Variants in PEPD observed in about 807,000 individuals in gnomAD.
PEPD encodes the protein xaa-Pro dipeptidase.
In PEPD, 53 loss-of-function variants were observed where a neutral mutation model predicts 60.7. That is an observed-to-expected ratio of 0.87 (90% CI 0.70 to 1.10). The LOEUF is 1.10. PEPD is among the 50% of genes least tolerant of loss of function. PEPD has a pLI of 0.00. For synonymous variants in PEPD, 267 were observed against 284.1 expected (o/e 0.94, Z 0.60); for missense variants, 711 against 711.9 (o/e 1.00, Z 0.01).
chr19:33,521,031 C>A (rs2145368276), intron 1 of PEPD, among the ~76,000 whole-genome samples: 1 of 152,332 alleles, frequency 6.6e-6, no homozygotes, highest in African/African-American at 2.4e-5. Flanking sequence ...CAGATGCTCC[C>A]TATCTGGGAG....
chr19:33,398,707 G>A (rs1968422379), intron 12 of PEPD, among the ~76,000 whole-genome samples: 1 of 152,252 alleles, frequency 6.6e-6, no homozygotes. Flanking sequence ...GCCCCTGGGC[G>A]ACTGCTTCGT....
chr19:33,517,561 A>C (rs774059188), intron 1 of PEPD, among the ~76,000 whole-genome samples: 1 of 129,174 alleles, frequency 7.7e-6, no homozygotes, highest in African/African-American at 2.7e-5. Flanking sequence ...TCCGTTTCAA[A>C]AAAAACAAAA....
intron 6 of PEPD, among the ~76,000 whole-genome samples, chr19:33,486,614 G>C (rs892643616): frequency 2.0e-5 from 3 of 152,080 alleles, no homozygotes; most frequent in Non-Finnish European, 4.4e-5. Context: ...CACACCTCGA[G>C]ACCCCACACA....
chr19:33,387,997 G>A lies in PEPD; in HGVS notation c.1237C>T (p.Pro413Ser), dbSNP rs1370705324. 9 of 1,580,756 alleles carry A rather than the reference G, an allele frequency of 5.7e-6. No individual in the cohort carries two copies. The highest frequency in any genetic ancestry group is 7.7e-6 in the Non-Finnish European group (9 of 1,163,792). Reference protein sequence around the residue: ...LQPGMVLTVEPGIYFIDHLLD... With the variant: ...LQPGMVLTVESGIYFIDHLLD... ...AGGTGGTCGATGAAGTAGATGCCCG[G>A]CTCCACGGTGAGCACCATGCCTGGC... Residue 413 changes from proline to serine, a missense_variant, in exon 14 of 15, where the codon CCG (proline) becomes TCG (serine). Pro to Ser is a moderately conservative substitution (Grantham distance 74, BLOSUM62 -1). Transcript: ENST00000244137.
chr19:33,413,527 A>G (rs766196009), intron 10 of PEPD, 48 bp downstream of exon 10: 29 of 1,072,982 alleles, frequency 2.7e-5, no homozygotes, highest in Non-Finnish European at 3.9e-5. Context: ...TAACTGCCCT[A>G]CCTCCTCCCA....
chr19:33,458,053 G>C lies in PEPD; in HGVS notation c.671+4942C>G, dbSNP rs552115149. Among the ~76,000 whole-genome samples the C allele has an allele frequency of 6.6e-5, 10 of 152,282 alleles. No homozygotes were observed. The East Asian group carries it at 1.9e-3, about 29-fold the overall frequency. ...TACATACCGTGTATGTGAGGCATGT[G>C]GTGGGTGGCGTGTGTATGGTGTGTA... On this transcript the variant is annotated intron_variant, in intron 9 of 14. Transcript: ENST00000244137.
intron 6 of PEPD, 89 bp from the exon 7 acceptor site, chr19:33,478,179 TGCATTAAAGAGG>T: frequency 2.4e-6 from 2 of 838,942 alleles, no homozygotes; most frequent in Non-Finnish European, 4.1e-6. Flanking sequence ...GCACACGTGA[TGCATTAAAGAGG>T]GTCCCACACT....
At chr19:33,417,886 A>G (rs1368554830) in intron 9 of PEPD, among the ~76,000 whole-genome samples, 2 of 152,206 alleles carry the variant, frequency 1.3e-5, no homozygotes, top group South Asian at 2.1e-4. Flanking sequence ...AGTTCTCTAC[A>G]GAAGTCCTTC....
chr19:33,487,076 A>G (rs1970410885), intron 6 of PEPD: 1 of 152,268 alleles, frequency 6.6e-6, no homozygotes, highest in South Asian at 2.1e-4. Flanking sequence ...AGCAAGATTC[A>G]TCTTGCTTGG....
intron 12 of PEPD, among the ~76,000 whole-genome samples, chr19:33,394,581 C>T (rs1568447502): frequency 6.6e-6 from 1 of 152,244 alleles, no homozygotes; most frequent in Non-Finnish European, 1.5e-5. Context: ...ACGACACCCA[C>T]CGCCTGGGCG....
intron 5 of PEPD, 51 bp from the exon 6 acceptor site, chr19:33,490,108 C>T (rs1230349359): frequency 1.5e-6 from 2 of 1,291,974 alleles, no homozygotes; most frequent in Admixed American, 1.8e-5. Flanking sequence ...GGCGCCCCCA[C>T]AGCCTGCACC....
chr19:33,430,047 G>A (rs759330767), intron 9 of PEPD, among the ~76,000 whole-genome samples: 7 of 152,216 alleles, frequency 4.6e-5, no homozygotes, highest in Non-Finnish European at 5.9e-5. Flanking sequence ...CTGAGAACAT[G>A]GCTTCTGGAG....
chr19:33,494,848 C>T (rs1421018876), intron 4 of PEPD, among the ~76,000 whole-genome samples: 1 of 152,248 alleles, frequency 6.6e-6, no homozygotes. Context: ...TTAATGGACA[C>T]TACTCATTCC....
chr19:33,441,303 T>C (rs796292965), intron 9 of PEPD, among the ~76,000 whole-genome samples: 1 of 152,212 alleles, frequency 6.6e-6, no homozygotes, highest in African/African-American at 2.4e-5. Context: ...CTGGGAACGG[T>C]TGCCACATGC....
Position 33,406,740 on chromosome 19 carries a change from T to C in PEPD, c.819-4871A>G, listed in dbSNP as rs145272612. On this transcript the variant is annotated intron_variant, in intron 11 of 14. Coordinates refer to ENST00000244137, the MANE Select transcript of PEPD (RefSeq NM_000285.4). The stretch of plus-strand genomic sequence containing the variant: ...GGCTGAGTAGACAGCAGGAGTAGGC[T>C]GGCCGCATCCCAGGCTGCAGGGCCC... Among the ~76,000 whole-genome samples the C allele has an allele frequency of 1.3e-3, 200 of 152,322 alleles. 2 individuals carry two copies. The highest frequency in any genetic ancestry group is 4.7e-3 in the African/African-American group (195 of 41,576).
intron 7 of PEPD, among the ~76,000 whole-genome samples, chr19:33,471,607 A>G (rs1970121959): frequency 6.6e-6 from 1 of 152,178 alleles, no homozygotes; most frequent in Admixed American, 6.5e-5. Flanking sequence ...GGTGGTTGTT[A>G]GAAGTATGAT....
intron 6 of PEPD, among the ~76,000 whole-genome samples, chr19:33,487,614 C>T (rs1970420232): frequency 6.6e-6 from 1 of 152,172 alleles, no homozygotes; most frequent in South Asian, 2.1e-4. Flanking sequence ...AGTGTCTCAG[C>T]CCAGCCCCCA....
chr19:33,519,219 C>G (rs1971084263), intron 1 of PEPD, among the ~76,000 whole-genome samples: 1 of 152,176 alleles, frequency 6.6e-6, no homozygotes, highest in South Asian at 2.1e-4. Flanking sequence ...TACACCCAGG[C>G]TAGCAAGAGA....
intron 12 of PEPD, among the ~76,000 whole-genome samples, chr19:33,399,072 C>A (rs1226060771): frequency 6.6e-6 from 1 of 152,168 alleles, no homozygotes; most frequent in Non-Finnish European, 1.5e-5. Flanking sequence ...CAACCTCCGC[C>A]TCCTAGGTTC....
Sources: gnomAD v4.1 joint callset for allele counts (sites outside exome capture counted in the v4.1 genomes callset) on GRCh38, gnomAD v4.1.1 for gene constraint, MANE v1.5 for transcripts, NCBI Gene and HGNC (gene_info 2026-07-23, HGNC 2026-07-21) for gene names.